The following ERBB2 variants were observed in gnomAD, a reference collection of about 807,000 sequenced individuals.
ERBB2 encodes erb-b2 receptor tyrosine kinase 2, also known as receptor tyrosine-protein kinase erbB-2.
Under a neutral mutation model 149.0 loss-of-function variants are expected in ERBB2, and 61 were observed. The observed-to-expected ratio is 0.41, with a 90% CI of 0.33 to 0.51. The LOEUF (loss-of-function observed/expected upper bound fraction) is 0.51. Among genes scored for constraint, ERBB2 ranks in the 20% least tolerant of loss-of-function variants. ERBB2 has a pLI of 0.25. For missense variants in ERBB2, 1,205 were observed against 1,655.1 expected (o/e 0.73, Z 4.72); for synonymous variants, 633 against 678.8 (o/e 0.93, Z 1.05).
At position 39,723,463 on chromosome 17, in the gene ERBB2, GC is replaced by G. The variant is rs773146621; in HGVS notation, c.2085+7del. On this transcript the variant is annotated splice_region_variant and intron_variant, in intron 17 of 26. Transcript: ENST00000269571. This position sits in a 1 kb window ranked among gnomAD's most constrained non-coding sequence, Gnocchi z 6.2. ...GACTGCTGCAGGAAACGGAGGTGAG[GC>G]GGGGTGAAGTCCTCCCAGCCCGCGT... The G allele has an allele frequency of 5.6e-5, 90 of 1,614,144 alleles. No individual in the cohort carries two copies. The highest frequency in any genetic ancestry group is 7.5e-5 in the Non-Finnish European group (89 of 1,180,012).
chr17:39,725,225 G>A lies in ERBB2; in HGVS notation c.2649+21G>A, dbSNP rs746700319. On this transcript the variant is annotated intron_variant, in intron 21 of 26. Transcript: ENST00000269571. This position sits in a 1 kb window ranked among gnomAD's most constrained non-coding sequence, Gnocchi z 4.6. ...GCAAGGTTAGGTGAAGGACCAAGGAGCAGAGGAGGCTGGGTGGAGTGGTGT... is the reference window on the plus strand; with the variant it reads ...GCAAGGTTAGGTGAAGGACCAAGGAACAGAGGAGGCTGGGTGGAGTGGTGT... 2 of 1,614,106 alleles carry A rather than the reference G, an allele frequency of 1.2e-6. No homozygotes were observed. The highest frequency in any genetic ancestry group is 1.7e-6 in the Non-Finnish European group (2 of 1,180,002).
rs2143320483 is a variant in ERBB2 at position 39,728,011 on chromosome 17, C to A, written c.3735C>A (p.Asn1245Lys). The A allele has an allele frequency of 6.2e-7, 1 of 1,607,914 alleles. No homozygotes were observed. The highest frequency in any genetic ancestry group is 8.5e-7 in the Non-Finnish European group (1 of 1,178,406). Residue 1245 changes from asparagine (N) to lysine (K), a missense_variant, in exon 27 of 27, where the codon AAC becomes AAA. This residue lies in a region of ERBB2 where 312 missense variants were observed against 343.8 expected (regional missense o/e 0.91). Coordinates refer to ENST00000269571, the MANE Select transcript of ERBB2 (RefSeq NM_004448.4). Reference protein sequence around the residue: ...STFKGTPTAENPEYLGLDVPV With the variant: ...STFKGTPTAEKPEYLGLDVPV ...TCAAAGGGACACCTACGGCAGAGAA[C>A]CCAGAGTACCTGGGTCTGGACGTGC... is the stretch of plus-strand genomic sequence containing the variant.
chr17:39,717,790 A>AACACAC (rs67643218), intron 15 of ERBB2: 10,865 of 171,954 alleles, frequency 0.063, 841 homozygotes, highest in African/African-American at 0.2. Context: ...TGCACATTTT[A>AACACAC]ACACACACAC....
In ERBB2 at chr17:39,725,833, T is replaced by C; in HGVS notation, c.2852T>C (p.Val951Ala). 5 of 1,613,858 alleles carry C rather than the reference T, an allele frequency of 3.1e-6. No homozygotes were observed. Among genetic ancestry groups the C allele is most frequent in the Non-Finnish European group, 4.2e-6 (5 of 1,179,932 alleles). The stretch of plus-strand genomic sequence containing the variant: ...CAGCCCCCCATCTGCACCATTGATG[T>C]CTACATGATCATGGTCAAATGTGCG... ...LPQPPICTID[V>A]YMIMVKCWMI... The change falls in exon 23 of 27, where the codon GTC becomes GCC. Residue 951 changes from valine to alanine, a missense_variant. Transcript: ENST00000269571. This position sits in a 1 kb window ranked among gnomAD's most constrained non-coding sequence, Gnocchi z 4.6.
chr17:39,714,761 A>C (rs2059017796), intron 9 of ERBB2, among the ~76,000 whole-genome samples: 1 of 151,510 alleles, frequency 6.6e-6, no homozygotes, highest in Non-Finnish European at 1.5e-5. Flanking sequence ...CCTAGAAATA[A>C]GATTTCTTTT....
rs2058030321 is a variant in ERBB2 at position 39,700,468 on chromosome 17, G to A, written c.73+157G>A. On this transcript the variant is annotated intron_variant, in intron 1 of 26. Transcript: ENST00000269571. The stretch of plus-strand genomic sequence containing the variant: ...AGACGCTCAGGGCAGCCGGGCCCTG[G>A]GGCCCTCGGGCGGGAGGGGGCAGTT... Among the ~76,000 whole-genome samples, 3 of 152,334 alleles carry A rather than the reference G, an allele frequency of 2.0e-5. No homozygotes were observed. The South Asian group carries it at 6.2e-4, about 32-fold the overall frequency.
At position 39,723,331 on chromosome 17, in the gene ERBB2, C is replaced by T. The variant is rs374222106; in HGVS notation, c.1959C>T (p.Ser653=). 8 of 1,614,130 alleles carry T rather than the reference C, an allele frequency of 5.0e-6. No homozygotes were observed. Among genetic ancestry groups the T allele is most frequent in the South Asian group, 1.1e-5 (1 of 91,068 alleles). Residue 653 remains serine (S), a synonymous_variant, in exon 17 of 27, where the codon TCC becomes TCT. Transcript: ENST00000269571. This position sits in a 1 kb window ranked among gnomAD's most constrained non-coding sequence, Gnocchi z 6.2. ...PAEQRASPLT[S]IISAVVGILL... The stretch of plus-strand genomic sequence containing the variant: ...CTTCCGCCCCCAGCCCTCTGACGTC[C>T]ATCATCTCTGCGGTGGTTGGCATTC...
intron 9 of ERBB2, among the ~76,000 whole-genome samples, chr17:39,712,836 G>T (rs1165137894): frequency 1.3e-5 from 2 of 152,144 alleles, no homozygotes; most frequent in African/African-American, 4.8e-5. Flanking sequence ...ATGAACTACC[G>T]ATACAACATA....
rs1182977777 is a variant in ERBB2, at chr17:39,727,837, T to C, written c.3561T>C (p.Phe1187=). The change falls in exon 27 of 27, where the codon TTT becomes TTC. Residue 1187 remains phenylalanine (F), a synonymous_variant. Coordinates refer to ENST00000269571, the MANE Select transcript of ERBB2 (RefSeq NM_004448.4). This position sits in a 1 kb window ranked among gnomAD's most constrained non-coding sequence, Gnocchi z 4.3. The part of the protein sequence containing the change: ...KNGVVKDVFA[F]GGAVENPEYL... ...GGGTCGTCAAAGACGTTTTTGCCTT[T>C]GGGGGTGCCGTGGAGAACCCCGAGT... The C allele has an allele frequency of 1.8e-5, 29 of 1,614,014 alleles. No homozygotes were observed. The highest frequency in any genetic ancestry group is 2.5e-5 in the Non-Finnish European group (29 of 1,179,934).
rs1439367471 is a variant in ERBB2, at chr17:39,719,847, C to T, written c.1946+13C>T. The T allele has an allele frequency of 1.9e-6, 3 of 1,613,778 alleles. No individual in the cohort carries two copies. The highest frequency in any genetic ancestry group is 2.5e-6 in the Non-Finnish European group (3 of 1,179,686). On this transcript the variant is annotated intron_variant, in intron 16 of 26. Transcript: ENST00000269571. ...AGCAGAGAGCCAGGTTGGCCTGGAC[C>T]CCAGGATGTACCCTTCATTGCCCTT...
intron 14 of ERBB2, among the ~76,000 whole-genome samples, 156 bp downstream of exon 14, chr17:39,716,761 G>GA (rs2059154647): frequency 6.6e-6 from 1 of 152,140 alleles, no homozygotes. Flanking sequence ...CAGAGTGGCA[G>GA]AAAAGGGGCC....
chr17:39,726,907 G>C lies in ERBB2; in HGVS notation c.3063G>C (p.Glu1021Asp), dbSNP rs2059798374. The change falls in exon 25 of 27, where the codon GAG becomes GAC. Residue 1021 changes from glutamate to aspartate, a missense_variant. Coordinates refer to ENST00000269571, the MANE Select transcript of ERBB2 (RefSeq NM_004448.4). This position sits in a 1 kb window ranked among gnomAD's most constrained non-coding sequence, Gnocchi z 5.1. ...ACATGGGGGACCTGGTGGATGCTGA[G>C]GAGTATCTGGTACCCCAGCAGGGCT... ...DDDMGDLVDA[E>D]EYLVPQQGFF... 1.2e-6 allele frequency: 2 copies of C among 1,613,860 alleles called. No individual in the cohort carries two copies. The highest frequency in any genetic ancestry group is 2.7e-5 in the African/African-American group (2 of 74,894).
upstream of ERBB2, chr17:39,688,097 C>CT: frequency 8.3e-7 from 1 of 1,198,726 alleles, no homozygotes; most frequent in South Asian, 2.2e-5. Context: ...TTCCTGTGTT[C>CT]TTTATTCTAC....
At chr17:39,708,134 A>G (rs1015956946) in intron 2 of ERBB2, 187 bp from the exon 3 acceptor site, 7 of 543,558 alleles carry the variant, frequency 1.3e-5, no homozygotes, top group South Asian at 2.8e-5. Flanking sequence ...TCTTGATCAT[A>G]TAAGAATCTG....
upstream of ERBB2, among the ~76,000 whole-genome samples, chr17:39,692,660 C>A (rs1434250477): frequency 1.3e-5 from 2 of 152,102 alleles, no homozygotes; most frequent in African/African-American, 4.8e-5. Context: ...CCGCCTCAGC[C>A]TCCCAAAGTG....
At chr17:39,697,349 G>GTTTTTTT (rs1452125824), upstream of ERBB2, among the ~76,000 whole-genome samples, 3 of 132,336 alleles carry the variant, frequency 2.3e-5, no homozygotes, top group Admixed American at 7.5e-5. Context: ...TTGTTTTTTT[G>GTTTTTTT]TTTTGTTTTT....
Position 39,715,293 on chromosome 17 carries a change from G to A in ERBB2, c.1156G>A (p.Ala386Thr), listed in dbSNP as rs2145630500. ...FLPESFDGDP[A>T]SNTAPLQPEQ... is the part of the protein sequence containing the mutation. ...CTCTCCTGACCCCTCCAGGGACCCA[G>A]CCTCCAACACTGCCCCGCTCCAGCC... The change falls in exon 10 of 27, where the codon GCC becomes ACC. Residue 386 changes from alanine (A) to threonine (T), a missense_variant. Physicochemically the swap from Ala to Thr is moderately conservative, Grantham distance 58. This residue lies in a region of ERBB2 where 569 missense variants were observed against 803.5 expected (regional missense o/e 0.71). Transcript: ENST00000269571. The A allele has an allele frequency of 3.7e-6, 6 of 1,613,966 alleles. No homozygotes were observed. In the South Asian group the frequency reaches 5.5e-5, roughly 15 times the overall value.
rs768374532 is a variant in ERBB2 at position 39,715,890 on chromosome 17, C to A, written c.1464C>A (p.Asn488Lys). Residue 488 changes from asparagine (N) to lysine (K), a missense_variant, in exon 12 of 27, where the codon AAC becomes AAA. Asn to Lys is a moderately conservative substitution (Grantham distance 94). Transcript: ENST00000269571. ...HTVPWDQLFR[N>K]PHQALLHTAN... is the part of the protein sequence containing the mutation. ...TGCCCTGGGACCAGCTCTTTCGGAACCCGCACCAAGCTCTGCTCCACACTG... is the reference window on the plus strand; with the variant it reads ...TGCCCTGGGACCAGCTCTTTCGGAAACCGCACCAAGCTCTGCTCCACACTG... The A allele has an allele frequency of 1.2e-6, 2 of 1,612,372 alleles. No homozygotes were observed. Among genetic ancestry groups the A allele is most frequent in the Non-Finnish European group, 1.7e-6 (2 of 1,180,022 alleles).
upstream of ERBB2, among the ~76,000 whole-genome samples, chr17:39,691,395 T>C (rs566010975): frequency 3.9e-3 from 589 of 151,390 alleles, 2 homozygotes; most frequent in South Asian, 0.038. Flanking sequence ...TACAAAAAAA[T>C]TAGCTGGGCA....
Sources: gnomAD v4.1 joint callset for allele counts (sites outside exome capture counted in the v4.1 genomes callset) on GRCh38, gnomAD v4.1.1 for gene constraint, gnomAD v4.1.1 regional missense constraint, Gnocchi (gnomAD v3.1) non-coding constraint, MANE v1.5 for transcripts, NCBI Gene and HGNC (gene_info 2026-07-23, HGNC 2026-07-21) for gene names.